MACROD2: variants seen among roughly 807,000 people sequenced by gnomAD.
MACROD2 encodes the protein mono-ADP ribosylhydrolase 2.
In MACROD2, 36 loss-of-function variants were observed where a neutral mutation model predicts 70.4. The ratio of observed to expected loss-of-function variants is 0.51; its 90% CI spans 0.39 to 0.68. The LOEUF is 0.68. Ranked by LOEUF, MACROD2 falls within the 30% of genes least tolerant of loss-of-function variation. MACROD2 has a pLI of 0.00. For missense variants in MACROD2, 496 were observed against 538.4 expected (o/e 0.92, Z 0.78); for synonymous variants, 172 against 178.8 (o/e 0.96, Z 0.30).
At chr20:14,831,184 T>A (rs1387592117) in intron 5 of MACROD2, among the ~76,000 whole-genome samples, 1 of 152,086 alleles carries the variant, frequency 6.6e-6, no homozygotes, top group Non-Finnish European at 1.5e-5. Context: ...ATATGACATA[T>A]GTCTAATATA....
At chr20:15,738,438 C>T (rs752304145) in intron 8 of MACROD2, among the ~76,000 whole-genome samples, 12 of 151,918 alleles carry the variant, frequency 7.9e-5, no homozygotes, top group East Asian at 1.9e-4. Context: ...GAAGAGGACA[C>T]GTTTCACAGA....
chr20:15,854,090 G>A (rs1478203974), intron 8 of MACROD2, among the ~76,000 whole-genome samples: 1 of 152,108 alleles, frequency 6.6e-6, no homozygotes, highest in East Asian at 1.9e-4. Flanking sequence ...CCCCTTCAGG[G>A]TGCGTAGAAC....
At chr20:15,884,758 A>G (rs2147207796) in intron 9 of MACROD2, among the ~76,000 whole-genome samples, 1 of 152,206 alleles carries the variant, frequency 6.6e-6, no homozygotes, top group Middle Eastern at 3.4e-3. Flanking sequence ...GGCTGCTGTA[A>G]CAAAATATCA....
intron 10 of MACROD2, among the ~76,000 whole-genome samples, chr20:15,927,213 A>C (rs537426762): frequency 1.8e-4 from 27 of 152,280 alleles, no homozygotes; most frequent in African/African-American, 6.5e-4. Context: ...TTCAAGGAAA[A>C]AATAATAATG....
At chr20:15,784,215 G>A (rs715204) in intron 8 of MACROD2, among the ~76,000 whole-genome samples, 2,590 of 152,182 alleles carry the variant, frequency 0.017, 74 homozygotes, top group African/African-American at 0.058. Context: ...CTTCCCCAGC[G>A]CATGTGTATT....
chr20:15,723,310 G>C (rs576048219), intron 8 of MACROD2, among the ~76,000 whole-genome samples: 133 of 152,132 alleles, frequency 8.7e-4, no homozygotes, highest in African/African-American at 2.9e-3. Context: ...AAAATACATA[G>C]CTTACATTAG....
chr20:14,701,253 A>G (rs1393284315), intron 5 of MACROD2, among the ~76,000 whole-genome samples: 1 of 152,054 alleles, frequency 6.6e-6, no homozygotes. Flanking sequence ...TAGATACTCT[A>G]CCTGTGACAT....
intron 8 of MACROD2, among the ~76,000 whole-genome samples, chr20:15,777,631 T>C (rs1467108335): frequency 4.5e-4 from 47 of 105,218 alleles, no homozygotes; most frequent in African/African-American, 1.8e-3. Context: ...CCCTCCCTCC[T>C]TCCTTCCTCT....
intron 3 of MACROD2, among the ~76,000 whole-genome samples, chr20:14,236,687 C>T (rs1033991467): frequency 1.3e-5 from 2 of 152,096 alleles, no homozygotes; most frequent in Non-Finnish European, 2.9e-5. Context: ...ACCGCCCTCT[C>T]TTTTCAGAGG....
chr20:14,773,204 T>A lies in MACROD2; in HGVS notation c.418+88245T>A, dbSNP rs568470097. ...TATTTTTGCCACTAAAATTGCCAAC[T>A]GAATAATAAATCAGGTTTCCCTTAA... On this transcript the variant is annotated intron_variant, in intron 5 of 17. Coordinates refer to ENST00000684519, the MANE Select transcript of MACROD2 (RefSeq NM_001351661.2). Among the ~76,000 whole-genome samples, 7 of 152,202 alleles carry A rather than the reference T, an allele frequency of 4.6e-5. No homozygotes were observed. The South Asian group carries it at 1.5e-3, about 32-fold the overall frequency.
At chr20:15,903,147 G>A (rs980638623) in intron 10 of MACROD2, among the ~76,000 whole-genome samples, 1 of 152,064 alleles carries the variant, frequency 6.6e-6, no homozygotes, top group African/African-American at 2.4e-5. Flanking sequence ...AGGCCGAGGC[G>A]GGCAGATCAC....
intron 5 of MACROD2, among the ~76,000 whole-genome samples, chr20:15,199,860 G>T (rs1379547829): frequency 2.0e-5 from 3 of 152,104 alleles, no homozygotes; most frequent in African/African-American, 7.2e-5. Flanking sequence ...CTAAGCATTT[G>T]GTCATTACTA....
At chr20:14,583,476 C>T (rs368959943) in intron 4 of MACROD2, among the ~76,000 whole-genome samples, 136 of 152,252 alleles carry the variant, frequency 8.9e-4, no homozygotes, top group African/African-American at 3.1e-3. Flanking sequence ...TGTATATTGG[C>T]CTAATCTTCT....
At chr20:15,322,235 A>G (rs548787971) in intron 6 of MACROD2, among the ~76,000 whole-genome samples, 1 of 143,950 alleles carries the variant, frequency 6.9e-6, no homozygotes, top group East Asian at 2.0e-4. Flanking sequence ...AGTGGATTCA[A>G]CTCAATGAAA....
At chr20:15,506,317 A>G (rs1384992431) in intron 8 of MACROD2, among the ~76,000 whole-genome samples, 1 of 152,174 alleles carries the variant, frequency 6.6e-6, no homozygotes, top group African/African-American at 2.4e-5. Flanking sequence ...AGCTGAACAT[A>G]TTTCTCCACC....
chr20:15,288,834 C>T (rs1021338183), intron 6 of MACROD2, among the ~76,000 whole-genome samples: 3 of 150,882 alleles, frequency 2.0e-5, no homozygotes, highest in Admixed American at 6.6e-5. Flanking sequence ...TCTTATAAAT[C>T]TCCTCTCTGT....
intron 6 of MACROD2, among the ~76,000 whole-genome samples, chr20:15,254,316 C>T (rs180882817): frequency 5.3e-5 from 8 of 152,026 alleles, no homozygotes; most frequent in Admixed American, 3.9e-4. Context: ...AAAATCAAAG[C>T]GTATCAGCCA....
intron 4 of MACROD2, among the ~76,000 whole-genome samples, chr20:14,611,452 G>GTT (rs11473891): frequency 0.013 from 1,422 of 113,344 alleles, 45 homozygotes; most frequent in African/African-American, 0.043. Flanking sequence ...ATGCCCTGAG[G>GTT]TTTTTTTTTT....
intron 3 of MACROD2, among the ~76,000 whole-genome samples, chr20:14,401,646 ATTTCCT>A (rs1251717993): frequency 3.3e-5 from 5 of 152,116 alleles, no homozygotes; most frequent in African/African-American, 1.2e-4. Context: ...TCAGCATGTG[ATTTCCT>A]TTTTCTTTGT....
Sources: allele counts gnomAD v4.1 joint callset (sites outside exome capture counted in the v4.1 genomes callset), GRCh38; gene constraint gnomAD v4.1.1; transcripts MANE v1.5; gene names NCBI Gene and HGNC (gene_info 2026-07-23, HGNC 2026-07-21).